The following GRM3 variants were observed in gnomAD, a reference collection of about 807,000 sequenced individuals.
The protein encoded by GRM3 is metabotropic glutamate receptor 3.
Under a neutral mutation model 70.5 loss-of-function variants are expected in GRM3, and 26 were observed. That is an observed-to-expected ratio of 0.37 (90% CI 0.27 to 0.51). GRM3 has a LOEUF of 0.51. GRM3 is among the 20% of genes least tolerant of loss of function. The pLI is 0.93. For missense variants in GRM3, 859 were observed against 1,123.8 expected, an observed-to-expected ratio of 0.76 and a Z score of 3.37; for synonymous variants, 443 against 434.9, an observed-to-expected ratio of 1.02 and a Z score of -0.23.
At chr7:86,685,524 A>C (rs1794542718) in intron 1 of GRM3, among the ~76,000 whole-genome samples, 1 of 152,168 alleles carries the variant, frequency 6.6e-6, no homozygotes, top group Non-Finnish European at 1.5e-5. Context: ...AAACAGCATG[A>C]TGTCACCTTA....
chr7:86,804,219 G>A (rs1797740485), intron 3 of GRM3, among the ~76,000 whole-genome samples: 1 of 152,118 alleles, frequency 6.6e-6, no homozygotes, highest in Non-Finnish European at 1.5e-5. Flanking sequence ...AGATTCTTGA[G>A]AGAATATTGC....
intron 1 of GRM3, among the ~76,000 whole-genome samples, chr7:86,696,454 C>A (rs1333284069): frequency 1.3e-5 from 2 of 152,018 alleles, no homozygotes; most frequent in African/African-American, 4.8e-5. Context: ...TTACAGCCTC[C>A]AAAAAAGAGG....
intron 1 of GRM3, among the ~76,000 whole-genome samples, chr7:86,669,140 A>C (rs1378125234): frequency 6.6e-6 from 1 of 152,196 alleles, no homozygotes; most frequent in African/African-American, 2.4e-5. Flanking sequence ...ATCGAAGCCC[A>C]AAGTGAATGT....
intron 3 of GRM3, among the ~76,000 whole-genome samples, chr7:86,823,022 A>G (rs984785570): frequency 1.3e-5 from 2 of 152,172 alleles, no homozygotes; most frequent in African/African-American, 2.4e-5. Flanking sequence ...ACCTTCATGC[A>G]ATGAAGTGAT....
At chr7:86,831,535 C>T (rs1287764625) in intron 3 of GRM3, among the ~76,000 whole-genome samples, 3 of 152,092 alleles carry the variant, frequency 2.0e-5, no homozygotes, top group South Asian at 4.2e-4. Context: ...TCAGGTTAGC[C>T]CTGTCCCCTG....
chr7:86,779,181 A>G (rs1796975815), intron 2 of GRM3, among the ~76,000 whole-genome samples: 1 of 152,234 alleles, frequency 6.6e-6, no homozygotes, highest in Non-Finnish European at 1.5e-5. Flanking sequence ...TGATTGTGAA[A>G]AAAAATAAAG....
chr7:86,793,488 A>G (rs1281632712), intron 3 of GRM3, among the ~76,000 whole-genome samples: 2 of 152,230 alleles, frequency 1.3e-5, no homozygotes, highest in Non-Finnish European at 2.9e-5. Context: ...ACAAAAGCAC[A>G]GAAACTTGTT....
chr7:86,838,881 T>C lies in GRM3; in HGVS notation c.1367T>C (p.Phe456Ser), dbSNP rs199660204. ...AAAGATGCAGATAGCATAGTCAAGT[T>C]TGACACTTTTGGAGATGGAATGGGG... Reference protein sequence around the residue: ...PNKDADSIVKFDTFGDGMGRY... With the variant: ...PNKDADSIVKSDTFGDGMGRY... The change falls in exon 4 of 6, where the codon TTT (phenylalanine) becomes TCT (serine). Residue 456 changes from phenylalanine to serine, a missense_variant. Coordinates refer to ENST00000361669, the MANE Select transcript of GRM3 (RefSeq NM_000840.3). The C allele has an allele frequency of 6.8e-6, 11 of 1,613,200 alleles. No individual in the cohort carries two copies. Among genetic ancestry groups the C allele is most frequent in the Non-Finnish European group, 9.3e-6 (11 of 1,179,426 alleles).
At chr7:86,860,270 ATATTT>A (rs1798929657) in intron 5 of GRM3, among the ~76,000 whole-genome samples, 2 of 152,220 alleles carry the variant, frequency 1.3e-5, no homozygotes, top group Admixed American at 6.5e-5. Flanking sequence ...GCCCTTCTAC[ATATTT>A]TATTACCTTG....
intron 1 of GRM3, among the ~76,000 whole-genome samples, chr7:86,645,524 CAG>C (rs1177004691): frequency 6.6e-6 from 1 of 152,120 alleles, no homozygotes; most frequent in African/African-American, 2.4e-5. Context: ...TGAGATAACT[CAG>C]AGAGGGCGGG....
In GRM3 at chr7:86,701,415, G is replaced by C. The variant is rs553182555; in HGVS notation, c.-141+56543G>C. Among the ~76,000 whole-genome samples the C allele has an allele frequency of 1.1e-3, 160 of 151,878 alleles. 1 individual carries two copies. The highest frequency in any genetic ancestry group is 3.5e-3 in the African/African-American group (147 of 41,472). On this transcript the variant is annotated intron_variant, in intron 1 of 5. Coordinates refer to ENST00000361669, the MANE Select transcript of GRM3 (RefSeq NM_000840.3). ...AGTATGACAAATTCCTACTGGCAGA[G>C]ATATCAATAATAAAAAAGTTGAGAA...
At chr7:86,815,272 G>A (rs945753514) in intron 3 of GRM3, among the ~76,000 whole-genome samples, 6 of 151,612 alleles carry the variant, frequency 4.0e-5, no homozygotes, top group African/African-American at 1.5e-4. Context: ...AACCTCATGA[G>A]GACAAAACCA....
At chr7:86,780,310 A>C (rs1219613637) in intron 2 of GRM3, among the ~76,000 whole-genome samples, 1 of 152,208 alleles carries the variant, frequency 6.6e-6, no homozygotes, top group Non-Finnish European at 1.5e-5. Flanking sequence ...AAACTTGCAC[A>C]TTGTGCAAAT....
At chr7:86,811,277 T>C (rs539594220) in intron 3 of GRM3, among the ~76,000 whole-genome samples, 14 of 152,044 alleles carry the variant, frequency 9.2e-5, no homozygotes, top group African/African-American at 2.6e-4. Context: ...TTTAGCTTTA[T>C]TTCTTTTCAC....
At chr7:86,740,717 T>G (rs778355940) in intron 1 of GRM3, among the ~76,000 whole-genome samples, 5 of 152,184 alleles carry the variant, frequency 3.3e-5, no homozygotes, top group Non-Finnish European at 5.9e-5. Context: ...TCTCGAGTCA[T>G]TTCAAAAATT....
chr7:86,675,808 T>A, intron 1 of GRM3, among the ~76,000 whole-genome samples: 1 of 151,926 alleles, frequency 6.6e-6, no homozygotes, highest in East Asian at 1.9e-4. Context: ...TTTCCATAGA[T>A]TCAAATGTCT....
At chr7:86,647,250 T>C (rs921911459) in intron 1 of GRM3, among the ~76,000 whole-genome samples, 3 of 152,226 alleles carry the variant, frequency 2.0e-5, no homozygotes, top group Non-Finnish European at 2.9e-5. Context: ...AACTATCTTT[T>C]TGCCAAATAA....
intron 1 of GRM3, among the ~76,000 whole-genome samples, chr7:86,706,836 TTTC>T (rs1319674702): frequency 6.6e-6 from 1 of 152,128 alleles, no homozygotes; most frequent in African/African-American, 2.4e-5. Context: ...TAATTCACAA[TTTC>T]ATCATATTAA....
intron 1 of GRM3, among the ~76,000 whole-genome samples, chr7:86,741,855 A>G (rs949940146): frequency 2.0e-5 from 3 of 152,242 alleles, no homozygotes; most frequent in African/African-American, 7.2e-5. Context: ...CATAAAGAGC[A>G]GAGAATATAT....
Sources: gnomAD v4.1 joint callset for allele counts (sites outside exome capture counted in the v4.1 genomes callset) on GRCh38, gnomAD v4.1.1 for gene constraint, MANE v1.5 for transcripts, NCBI Gene and HGNC (gene_info 2026-07-23, HGNC 2026-07-21) for gene names.